The following SH3BGRL2 variants were observed in gnomAD, a reference collection of about 807,000 sequenced individuals.
SH3BGRL2 encodes SH3 domain-binding glutamic acid-rich-like protein 2.
SH3BGRL2 carries 21 observed loss-of-function variants against 14.8 expected under a neutral mutation model. That is an observed-to-expected ratio of 1.42 (90% CI 1.01 to 2.05). SH3BGRL2 has a LOEUF of 2.05. Among genes scored for constraint, SH3BGRL2 ranks in the 30% most tolerant of loss-of-function variants. The probability of loss-of-function intolerance (pLI) is 0.00; values close to 1 mark genes in which losing one functional copy is unlikely to be tolerated. For missense variants in SH3BGRL2, 147 were observed against 130.8 expected, an observed-to-expected ratio of 1.12 and a Z score of -0.61; for synonymous variants, 50 against 47.8, an observed-to-expected ratio of 1.05 and a Z score of -0.19.
Position 79,673,738 on chromosome 6 carries a change from A to C in SH3BGRL2, c.170A>C (p.Lys57Thr). The C allele has an allele frequency of 6.2e-7, 1 of 1,614,162 alleles. No individual in the cohort carries two copies. Among genetic ancestry groups the C allele is most frequent in the Non-Finnish European group, 8.5e-7 (1 of 1,180,022 alleles). The change falls in exon 2 of 4, where the codon AAG (lysine) becomes ACG (threonine). Residue 57 changes from lysine to threonine, a missense_variant. Transcript: ENST00000369838. ...ATGTACAAAAACGTCCCCCCGGAAA[A>C]GAAACCCACTCAGGGCAACCCCCTG... is the stretch of plus-strand genomic sequence containing the variant. ...QWMYKNVPPEKKPTQGNPLPP... is the reference protein window; with the variant it reads ...QWMYKNVPPETKPTQGNPLPP...
chr6:79,573,590 A>G, the SH3BGRL2 span, among the ~76,000 whole-genome samples: 1 of 152,160 alleles, frequency 6.6e-6, no homozygotes, highest in South Asian at 2.1e-4. Context: ...AGGAAAATTG[A>G]TATCTTTATG....
chr6:79,586,353 C>T, the SH3BGRL2 span, among the ~76,000 whole-genome samples: 2 of 138,308 alleles, frequency 1.4e-5, no homozygotes, highest in African/African-American at 5.4e-5. Flanking sequence ...AAAGCAGAAA[C>T]ACCTCTGCTC....
intron 1 of SH3BGRL2, among the ~76,000 whole-genome samples, chr6:79,638,866 C>T (rs1428387868): frequency 2.0e-5 from 3 of 152,058 alleles, no homozygotes; most frequent in African/African-American, 7.2e-5. Context: ...ATAGTTTGCA[C>T]CTTTTCTTCC....
At chr6:79,660,289 C>T (rs1208156758) in intron 1 of SH3BGRL2, among the ~76,000 whole-genome samples, 1 of 152,068 alleles carries the variant, frequency 6.6e-6, no homozygotes, top group East Asian at 1.9e-4. Flanking sequence ...TCATAAATAG[C>T]TCTTATTACT....
the SH3BGRL2 span, among the ~76,000 whole-genome samples, chr6:79,597,662 A>G: frequency 3.0e-4 from 46 of 152,246 alleles, no homozygotes; most frequent in Non-Finnish European, 5.4e-4. Context: ...AAAATTCTAG[A>G]AAGAAAACAT....
the SH3BGRL2 span, among the ~76,000 whole-genome samples, chr6:79,586,097 G>A: frequency 6.6e-6 from 1 of 151,742 alleles, no homozygotes; most frequent in African/African-American, 2.4e-5. Flanking sequence ...TCGGGAGGCT[G>A]AGGCAGGAGA....
In SH3BGRL2 at chr6:79,631,443, TC is replaced by T; in HGVS notation, c.-16del. The T allele has an allele frequency of 6.6e-7, 1 of 1,518,002 alleles. No individual in the cohort carries two copies. Among genetic ancestry groups the T allele is most frequent in the Non-Finnish European group, 8.8e-7 (1 of 1,132,894 alleles). 94.0% of individuals were successfully genotyped at this position (1,518,002 alleles called of 1,614,324 possible). A position where few individuals can be genotyped will look rare whatever the true frequency, so the allele number is the denominator to read the frequency against. ...CGGAGCCCGGGGGGCAAGGGGTCTGTCCCGGGCGCAGCGAGAGGATGGTCAT... is the reference window on the plus strand; with the variant it reads ...CGGAGCCCGGGGGGCAAGGGGTCTGTCCGGGCGCAGCGAGAGGATGGTCAT... On this transcript the variant is annotated 5_prime_UTR_variant, in exon 1 of 4. Transcript: ENST00000369838.
At chr6:79,573,052 T>C in the SH3BGRL2 span, among the ~76,000 whole-genome samples, 1 of 152,216 alleles carries the variant, frequency 6.6e-6, no homozygotes, top group Non-Finnish European at 1.5e-5. Flanking sequence ...ATTTTCTATT[T>C]ATTGATATCA....
upstream of SH3BGRL2, among the ~76,000 whole-genome samples, chr6:79,626,775 T>A (rs1768734536): frequency 1.3e-5 from 2 of 152,176 alleles, no homozygotes; most frequent in Admixed American, 1.3e-4. Context: ...GCCCACCCTA[T>A]GCACAAAGTG....
rs1770455862 is a variant in SH3BGRL2, at chr6:79,701,533, T to C, written c.*2024T>C. On this transcript the variant is annotated 3_prime_UTR_variant, in exon 4 of 4. Coordinates refer to ENST00000369838, the MANE Select transcript of SH3BGRL2 (RefSeq NM_031469.4). ...GTTAACCGTAGTATACCTATTATGATTATAGTAAACAGACTAGTGGGTAGT... is the reference window on the plus strand; with the variant it reads ...GTTAACCGTAGTATACCTATTATGACTATAGTAAACAGACTAGTGGGTAGT... The C allele has an allele frequency of 6.6e-6, 1 of 152,040 alleles. No individual in the cohort carries two copies. Among genetic ancestry groups the C allele is most frequent in the Non-Finnish European group, 1.5e-5 (1 of 68,016 alleles). 9.4% of individuals were successfully genotyped at this position (152,040 alleles called of 1,614,324 possible).
the SH3BGRL2 span, among the ~76,000 whole-genome samples, chr6:79,542,560 C>A: frequency 1.3e-5 from 2 of 152,154 alleles, no homozygotes; most frequent in African/African-American, 4.8e-5. Flanking sequence ...TGAGCCACCA[C>A]ACCTGGCCTC....
the SH3BGRL2 span, among the ~76,000 whole-genome samples, chr6:79,577,289 C>A: frequency 6.6e-6 from 1 of 151,914 alleles, no homozygotes; most frequent in Non-Finnish European, 1.5e-5. Context: ...TATAGTAAGC[C>A]TTGAAATCAG....
At chr6:79,538,363 G>T in the SH3BGRL2 span, among the ~76,000 whole-genome samples, 3 of 152,028 alleles carry the variant, frequency 2.0e-5, no homozygotes, top group Non-Finnish European at 4.4e-5. Context: ...GCTCAACCTC[G>T]TTTTTCCACC....
intron 1 of SH3BGRL2, among the ~76,000 whole-genome samples, chr6:79,657,380 T>A (rs1427915672): frequency 6.6e-6 from 1 of 152,034 alleles, no homozygotes; most frequent in African/African-American, 2.4e-5. Context: ...ATTTGGTAGC[T>A]GAAGGAGACA....
At chr6:79,649,979 TCTCTCTCA>T (rs915741287) in intron 1 of SH3BGRL2, among the ~76,000 whole-genome samples, 1 of 94,290 alleles carries the variant, frequency 1.1e-5, no homozygotes, top group African/African-American at 4.0e-5. Context: ...TCTCTCTCTC[TCTCTCTCA>T]CACACACACA....
chr6:79,686,471 C>T (rs1356512596), intron 2 of SH3BGRL2, among the ~76,000 whole-genome samples: 1 of 152,012 alleles, frequency 6.6e-6, no homozygotes, highest in African/African-American at 2.4e-5. Context: ...GAAAGGCATT[C>T]GTAACTTTTA....
chr6:79,605,210 G>A, the SH3BGRL2 span, among the ~76,000 whole-genome samples: 10 of 152,162 alleles, frequency 6.6e-5, no homozygotes, highest in South Asian at 2.1e-4. Context: ...CTGGCTATGC[G>A]GAGTAACCAC....
At chr6:79,631,764 G>A (rs184601069) in intron 1 of SH3BGRL2, among the ~76,000 whole-genome samples, 2 of 152,344 alleles carry the variant, frequency 1.3e-5, no homozygotes, top group South Asian at 4.1e-4. Flanking sequence ...TGGAGTCCGA[G>A]GGAAGCCCCC....
Position 79,639,571 on chromosome 6 carries a change from C to A in SH3BGRL2, c.45+8065C>A, listed in dbSNP as rs190654604. 6.5e-4 allele frequency among the ~76,000 whole-genome samples: 99 copies of A among 152,244 alleles called. 1 individual carries two copies. In the East Asian group the frequency reaches 0.018, roughly 27 times the overall value. ...CACTACTGCACTCCAGCCTGGGTGACAAAGTGAGACCTTGTCTCAGACAAA... is the reference window on the plus strand; with the variant it reads ...CACTACTGCACTCCAGCCTGGGTGAAAAAGTGAGACCTTGTCTCAGACAAA... On this transcript the variant is annotated intron_variant, in intron 1 of 3. Transcript: ENST00000369838.
Sources: gnomAD v4.1 joint callset for allele counts (sites outside exome capture counted in the v4.1 genomes callset) on GRCh38, gnomAD v4.1.1 for gene constraint, MANE v1.5 for transcripts, NCBI Gene and HGNC (gene_info 2026-07-23, HGNC 2026-07-21) for gene names.